Variants in DOCK1 observed in about 807,000 individuals in gnomAD.
The protein encoded by DOCK1 is dedicator of cytokinesis protein 1.
DOCK1 carries 138 observed loss-of-function variants against 262.7 expected under a neutral mutation model. That is an observed-to-expected ratio of 0.53 (90% confidence interval 0.46 to 0.61). The LOEUF is 0.61. Among genes scored for constraint, DOCK1 ranks in the 20% least tolerant of loss-of-function variants. DOCK1 has a pLI of 0.00. For synonymous variants in DOCK1, 866 were observed against 867.4 expected (o/e 1.00, Z 0.03); for missense variants, 1,908 against 2,370.7 (o/e 0.80, Z 4.05).
intron 11 of DOCK1, among the ~76,000 whole-genome samples, chr10:127,011,690 C>T (rs2041460066): frequency 6.6e-6 from 1 of 151,440 alleles, no homozygotes; most frequent in Non-Finnish European, 1.5e-5. Context: ...ACACACGGTA[C>T]CATTCTTCTC....
chr10:127,043,132 T>G lies in DOCK1; in HGVS notation c.2169T>G (p.Ile723Met). The change falls in exon 21 of 52, where the codon ATT (isoleucine) becomes ATG (methionine). Residue 723 changes from isoleucine to methionine, a missense_variant. Coordinates refer to ENST00000623213, the MANE Select transcript of DOCK1 (RefSeq NM_001290223.2). The stretch of plus-strand genomic sequence containing the variant: ...TTAATCCTGTTTTGGAAACTTACAT[T>G]AAGAAACACTTTAGTGCAACGTTAG... ...QHFNPVLETY[I>M]KKHFSATLAY... is the part of the protein sequence containing the mutation. 6.2e-7 allele frequency: 1 copy of G among 1,610,864 alleles called. No homozygotes were observed. The highest frequency in any genetic ancestry group is 8.5e-7 in the Non-Finnish European group (1 of 1,178,330).
intron 29 of DOCK1, among the ~76,000 whole-genome samples, chr10:127,301,987 A>G (rs2061697571): frequency 6.6e-6 from 1 of 151,588 alleles, no homozygotes; most frequent in Non-Finnish European, 1.5e-5. Context: ...CTTTCGACAA[A>G]GCCTGCCTGC....
At chr10:127,402,107 G>A (rs568750365) in intron 38 of DOCK1, among the ~76,000 whole-genome samples, 3 of 152,190 alleles carry the variant, frequency 2.0e-5, no homozygotes, top group Non-Finnish European at 4.4e-5. Flanking sequence ...TGTTAAGCAG[G>A]CCCTGGATTA....
At chr10:126,950,949 T>C (rs968844887) in intron 1 of DOCK1, among the ~76,000 whole-genome samples, 12 of 152,002 alleles carry the variant, frequency 7.9e-5, no homozygotes, top group Non-Finnish European at 1.6e-4. Context: ...TTGGCGGTGA[T>C]GGTGGTGGTG....
chr10:127,019,538 C>CAG (rs5788818), intron 13 of DOCK1, among the ~76,000 whole-genome samples: 61,200 of 151,584 alleles, frequency 0.4, 12,591 homozygotes, highest in African/African-American at 0.48. Context: ...CACTTGAACT[C>CAG]GGGTTCGAGA....
At chr10:127,235,714 C>T (rs1336654187) in intron 27 of DOCK1, among the ~76,000 whole-genome samples, 1 of 151,888 alleles carries the variant, frequency 6.6e-6, no homozygotes, top group East Asian at 1.9e-4. Context: ...CAAACTATTT[C>T]CTAAAATGGC....
chr10:127,045,608 C>T (rs1157534200), intron 21 of DOCK1, among the ~76,000 whole-genome samples: 1 of 152,228 alleles, frequency 6.6e-6, no homozygotes, highest in Non-Finnish European at 1.5e-5. Context: ...TTCCCAACAA[C>T]ACCAAGAGAA....
At chr10:127,238,210 T>C (rs1050171737) in intron 27 of DOCK1, among the ~76,000 whole-genome samples, 3 of 152,218 alleles carry the variant, frequency 2.0e-5, no homozygotes, top group Non-Finnish European at 4.4e-5. Flanking sequence ...ACCATTTGTC[T>C]TGTCAAATGC....
chr10:127,082,265 G>T (rs1314783750), intron 23 of DOCK1, among the ~76,000 whole-genome samples: 5 of 152,090 alleles, frequency 3.3e-5, no homozygotes, highest in African/African-American at 4.8e-5. Context: ...AGTCTGTCCA[G>T]GTCCTGAGAA....
At chr10:126,948,637 G>T (rs895955872) in intron 1 of DOCK1, among the ~76,000 whole-genome samples, 1 of 151,910 alleles carries the variant, frequency 6.6e-6, no homozygotes, top group Non-Finnish European at 1.5e-5. Flanking sequence ...TCCCGATGTG[G>T]GGTTGCAGGG....
chr10:126,915,584 A>AT (rs1033477565), intron 1 of DOCK1, among the ~76,000 whole-genome samples: 6 of 151,992 alleles, frequency 3.9e-5, no homozygotes, highest in East Asian at 1.9e-4. Flanking sequence ...GCATCTGGTA[A>AT]TTTTTTGTAT....
intron 27 of DOCK1, among the ~76,000 whole-genome samples, chr10:127,230,412 G>GT (rs1384504313): frequency 6.6e-6 from 1 of 151,912 alleles, no homozygotes; most frequent in Non-Finnish European, 1.5e-5. Flanking sequence ...CAGGCCTTAG[G>GT]TTTTTAATAC....
chr10:127,238,778 G>A (rs905469429), intron 27 of DOCK1, among the ~76,000 whole-genome samples: 2 of 152,118 alleles, frequency 1.3e-5, no homozygotes, highest in African/African-American at 4.8e-5. Flanking sequence ...TCTGGTCAGG[G>A]GCTGTTTTTA....
intron 27 of DOCK1, among the ~76,000 whole-genome samples, chr10:127,199,358 A>G (rs1302325464): frequency 6.6e-6 from 1 of 152,168 alleles, no homozygotes; most frequent in Non-Finnish European, 1.5e-5. Context: ...CTCAATTTCC[A>G]CATTAAAAAG....
chr10:126,940,331 T>G (rs2134244414), intron 1 of DOCK1, among the ~76,000 whole-genome samples: 1 of 152,358 alleles, frequency 6.6e-6, no homozygotes, highest in East Asian at 1.9e-4. Flanking sequence ...CCATTCTGTT[T>G]ATTCTTTCAA....
chr10:127,121,505 CTG>C (rs1311473522), intron 25 of DOCK1, among the ~76,000 whole-genome samples: 1 of 145,702 alleles, frequency 6.9e-6, no homozygotes, highest in Non-Finnish European at 1.5e-5. Flanking sequence ...GTCCATCTGT[CTG>C]TTTTTGTAGT....
intron 33 of DOCK1, 121 bp from the exon 34 acceptor site, chr10:127,373,660 A>G (rs1248810237): frequency 4.5e-6 from 4 of 894,260 alleles, no homozygotes; most frequent in African/African-American, 3.3e-5. Flanking sequence ...ATGAGGCTTC[A>G]AAGGCAGAGG....
intron 47 of DOCK1, among the ~76,000 whole-genome samples, chr10:127,428,973 C>CGTGTGG (rs2069065067): frequency 4.6e-4 from 57 of 124,810 alleles, no homozygotes; most frequent in Admixed American, 6.1e-4. Flanking sequence ...ATTCGGGTAC[C>CGTGTGG]ATGTGGATTG....
intron 23 of DOCK1, among the ~76,000 whole-genome samples, chr10:127,101,167 C>G (rs2048220937): frequency 6.6e-6 from 1 of 151,704 alleles, no homozygotes. Flanking sequence ...TGGTTGGAAG[C>G]TTAGCGAGTT....
Sources: allele counts gnomAD v4.1 joint callset (sites outside exome capture counted in the v4.1 genomes callset), GRCh38; gene constraint gnomAD v4.1.1; transcripts MANE v1.5; gene names NCBI Gene and HGNC (gene_info 2026-07-23, HGNC 2026-07-21).